NCKAP1L: variants seen among roughly 807,000 people sequenced by gnomAD.
NCKAP1L encodes nck-associated protein 1-like.
In NCKAP1L, 53 loss-of-function variants were observed where a neutral mutation model predicts 139.2. That is an observed-to-expected ratio of 0.38 (90% CI 0.31 to 0.48). The LOEUF (loss-of-function observed/expected upper bound fraction) is 0.48. NCKAP1L is among the 20% of genes least tolerant of loss of function. NCKAP1L has a pLI of 0.98. For synonymous variants in NCKAP1L, 468 were observed against 499.7 expected, an observed-to-expected ratio of 0.94 and a Z score of 0.85; for missense variants, 1,151 against 1,381.9, an observed-to-expected ratio of 0.83 and a Z score of 2.65.
Position 54,516,879 on chromosome 12 carries a change from C to A in NCKAP1L, c.999-17C>A. 2 of 1,607,520 alleles carry A rather than the reference C, an allele frequency of 1.2e-6. No individual in the cohort carries two copies. The highest frequency in any genetic ancestry group is 2.2e-5 in the South Asian group (2 of 90,890). ...GGGTGGGAGAGGTGATAGTCATGTT[C>A]CCCTTTTCTTCCTTAGTGGCCAGTT... is the stretch of plus-strand genomic sequence containing the variant. On this transcript the variant is annotated splice_polypyrimidine_tract_variant and intron_variant, in intron 10 of 30. Transcript: ENST00000293373.
chr12:54,545,071 T>G lies in NCKAP1L; in HGVS notation c.*2386T>G, dbSNP rs1271663323. On this transcript the variant is annotated 3_prime_UTR_variant, in exon 31 of 31. Transcript: ENST00000293373. ...ACAAGGATCCCTCGCATTGCTCTTT[T>G]ATAGCAATTTTATAGCAATTTTCTC... 1.3e-5 allele frequency: 2 copies of G among 152,236 alleles called. No homozygotes were observed. Among genetic ancestry groups the G allele is most frequent in the Admixed American group, 1.3e-4 (2 of 15,284 alleles). 9.4% of individuals were successfully genotyped at this position (152,236 alleles called of 1,614,324 possible).
At chr12:54,523,744 T>C (rs1957005282) in intron 19 of NCKAP1L, 81 bp from the exon 20 acceptor site, 1 of 1,533,084 alleles carries the variant, frequency 6.5e-7, no homozygotes, top group African/African-American at 1.4e-5. Flanking sequence ...CCCTAGAAAC[T>C]GGGTCATGGG....
At chr12:54,526,423 A>G in intron 20 of NCKAP1L, 105 bp from the exon 21 acceptor site, 1 of 814,804 alleles carries the variant, frequency 1.2e-6, no homozygotes, top group Non-Finnish European at 2.0e-6. Context: ...TAATATGTGT[A>G]GTAAAATCCT....
intron 11 of NCKAP1L, 117 bp downstream of exon 11, chr12:54,517,109 T>A: frequency 1.2e-6 from 1 of 805,230 alleles, no homozygotes; most frequent in Non-Finnish European, 2.1e-6. Flanking sequence ...TGTATGTATA[T>A]ATGCGATTCC....
chr12:54,499,535 T>A, intron 2 of NCKAP1L, 70 bp downstream of exon 2: 3 of 931,652 alleles, frequency 3.2e-6, no homozygotes, highest in Non-Finnish European at 5.3e-6. Flanking sequence ...TCTCCTCTTT[T>A]GATGCCTCTC....
intron 3 of NCKAP1L, among the ~76,000 whole-genome samples, chr12:54,504,875 C>T (rs1258174665): frequency 1.3e-5 from 2 of 152,208 alleles, no homozygotes; most frequent in Non-Finnish European, 2.9e-5. Flanking sequence ...TTTCCGTTCC[C>T]TTCTGATTCT....
intron 29 of NCKAP1L, among the ~76,000 whole-genome samples, chr12:54,538,141 C>T (rs762077670): frequency 7.9e-5 from 12 of 152,192 alleles, no homozygotes; most frequent in Non-Finnish European, 1.5e-4. Flanking sequence ...GGAAACACAG[C>T]GGATCATATT....
chr12:54,512,832 T>G (rs1241587954), intron 9 of NCKAP1L, among the ~76,000 whole-genome samples: 2 of 151,042 alleles, frequency 1.3e-5, no homozygotes, highest in Non-Finnish European at 2.9e-5. Flanking sequence ...GCCTGTGCAT[T>G]GGGTAGAAAG....
At chr12:54,536,731 C>A (rs1957116484) in intron 28 of NCKAP1L, among the ~76,000 whole-genome samples, 1 of 141,680 alleles carries the variant, frequency 7.1e-6, no homozygotes, top group Non-Finnish European at 1.5e-5. Context: ...AAAAAAAAAC[C>A]AGAATGAGAG....
At chr12:54,532,654 G>T (rs1395275186) in intron 26 of NCKAP1L, among the ~76,000 whole-genome samples, 1 of 152,070 alleles carries the variant, frequency 6.6e-6, no homozygotes, top group East Asian at 1.9e-4. Context: ...CACCCTGCCT[G>T]CCCTCAGTCT....
At chr12:54,533,483 G>T (rs1031011594) in intron 26 of NCKAP1L, among the ~76,000 whole-genome samples, 9 of 152,162 alleles carry the variant, frequency 5.9e-5, no homozygotes, top group Non-Finnish European at 1.3e-4. Flanking sequence ...GGTAGTAGGG[G>T]ATTTAAATAA....
At chr12:54,499,075 A>G (rs546225862) in intron 1 of NCKAP1L, among the ~76,000 whole-genome samples, 43 of 152,058 alleles carry the variant, frequency 2.8e-4, no homozygotes, top group Non-Finnish European at 5.4e-4. Context: ...ACAGTTGTGC[A>G]CCACCATGCC....
chr12:54,503,962 A>G (rs1226859864), intron 3 of NCKAP1L, among the ~76,000 whole-genome samples: 1 of 152,104 alleles, frequency 6.6e-6, no homozygotes, highest in East Asian at 1.9e-4. Context: ...TTTTATATTA[A>G]TTGGTATAGA....
At position 54,507,835 on chromosome 12, in the gene NCKAP1L, C is replaced by A; in HGVS notation, c.307-18C>A. ...TCTTTGATTTTTTATTAATTCTTGT[C>A]TTCACTTCCACCCCCAGGATCATGT... On this transcript the variant is annotated intron_variant, in intron 3 of 30. Transcript: ENST00000293373. 2.5e-6 allele frequency: 4 copies of A among 1,611,842 alleles called. No homozygotes were observed. The highest frequency in any genetic ancestry group is 3.4e-6 in the Non-Finnish European group (4 of 1,178,008).
rs1956763122 is a variant in NCKAP1L at position 54,497,816 on chromosome 12, T to G, written c.27T>G (p.His9Gln). The change falls in exon 1 of 31, where the codon CAT becomes CAG. Residue 9 changes from histidine (H) to glutamine (Q), a missense_variant. Transcript: ENST00000293373. ...TGTCTTTGACATCTGCTTACCAGCA[T>G]AAATTAGCAGAGAAGCTCACTATCC... MSLTSAYQ[H>Q]KLAEKLTILN... 6.2e-7 allele frequency: 1 copy of G among 1,613,244 alleles called. No homozygotes were observed. The highest frequency in any genetic ancestry group is 1.7e-5 in the Admixed American group (1 of 59,996).
Position 54,518,983 on chromosome 12 carries a change from G to A in NCKAP1L, c.1479+11G>A. 3 of 1,609,170 alleles carry A rather than the reference G, an allele frequency of 1.9e-6. No homozygotes were observed. The highest frequency in any genetic ancestry group is 2.6e-6 in the Non-Finnish European group (3 of 1,175,582). ...TGGTTCCGCCTACAGGTAATGATCTGTTCCTGTTAAAGATTCTCATCCTCA... is the reference window on the plus strand; with the variant it reads ...TGGTTCCGCCTACAGGTAATGATCTATTCCTGTTAAAGATTCTCATCCTCA... On this transcript the variant is annotated intron_variant, in intron 15 of 30. Coordinates refer to ENST00000293373, the MANE Select transcript of NCKAP1L (RefSeq NM_005337.5).
rs973537712 is a variant in NCKAP1L at position 54,545,301 on chromosome 12, G to C, written c.*2616G>C. The C allele has an allele frequency of 2.6e-5, 4 of 152,182 alleles. No homozygotes were observed. The highest frequency in any genetic ancestry group is 9.7e-5 in the African/African-American group (4 of 41,446). The allele number at this position is 152,182 out of a possible 1,614,324, so 9.4% of individuals were successfully genotyped here. On this transcript the variant is annotated 3_prime_UTR_variant, in exon 31 of 31. Coordinates refer to ENST00000293373, the MANE Select transcript of NCKAP1L (RefSeq NM_005337.5). ...GGGAAGGCTTTCCTATTTCAGGTCA[G>C]AAAACAGATTTAGAAATATTAAATG...
rs753370536 is a variant in NCKAP1L, at chr12:54,531,588, A to T, written c.2698+4A>T. On this transcript the variant is annotated splice_donor_region_variant and intron_variant, in intron 24 of 30. Transcript: ENST00000293373. ...TCCCTGCTGCCCCAGCTGACAGGTA[A>T]GCATCCTCTTCCCCTATAGTGAGAA... 6.2e-7 allele frequency: 1 copy of T among 1,614,108 alleles called. No individual in the cohort carries two copies. Among genetic ancestry groups the T allele is most frequent in the Non-Finnish European group, 8.5e-7 (1 of 1,179,942 alleles).
At chr12:54,537,438 G>GT (rs1385791133) in intron 29 of NCKAP1L, among the ~76,000 whole-genome samples, 5 of 152,124 alleles carry the variant, frequency 3.3e-5, no homozygotes, top group Non-Finnish European at 5.9e-5. Flanking sequence ...ATGAACCTTG[G>GT]TATGCATCAG....
Sources: gnomAD v4.1 joint callset for allele counts (sites outside exome capture counted in the v4.1 genomes callset) on GRCh38, gnomAD v4.1.1 for gene constraint, MANE v1.5 for transcripts, NCBI Gene and HGNC (gene_info 2026-07-23, HGNC 2026-07-21) for gene names.